IL17RC: variants seen among roughly 807,000 people sequenced by gnomAD.
The protein encoded by IL17RC is interleukin 17 receptor C, also known as interleukin-17 receptor C.
In IL17RC, 53 loss-of-function variants were observed where a neutral mutation model predicts 86.7. The observed-to-expected ratio is 0.61, with a 90% CI of 0.49 to 0.77. The LOEUF (loss-of-function observed/expected upper bound fraction) is 0.77, where lower values mean the gene tolerates loss of function less well. Ranked by LOEUF, IL17RC falls within the 30% of genes least tolerant of loss-of-function variation. IL17RC has a pLI of 0.00. For missense variants in IL17RC, 957 were observed against 940.0 expected (o/e 1.02, Z -0.24); for synonymous variants, 439 against 413.1 (o/e 1.06, Z -0.76).
At position 9,923,958 on chromosome 3, in the gene IL17RC, G is replaced by C; in HGVS notation, c.700G>C (p.Gly234Arg). 1 of 1,614,090 alleles carries C rather than the reference G, an allele frequency of 6.2e-7. No homozygotes were observed. The highest frequency in any genetic ancestry group is 8.5e-7 in the Non-Finnish European group (1 of 1,180,020). The stretch of plus-strand genomic sequence containing the variant: ...GAATGTCTCTGAGGAGCAGCACTTC[G>C]GCCTCTCCCTGTACTGGAATCAGGT... ...VLNVSEEQHF[G>R]LSLYWNQVQG... The change falls in exon 8 of 19, where the codon GGC becomes CGC. Residue 234 changes from glycine (G) to arginine (R), a missense_variant. Gly to Arg is a moderately radical substitution (Grantham distance 125, BLOSUM62 -2). Coordinates refer to ENST00000403601, the MANE Select transcript of IL17RC (RefSeq NM_153460.4).
chr3:9,920,603 G>A lies in IL17RC; in HGVS notation c.577+1G>A. 1 of 1,589,982 alleles carries A rather than the reference G, an allele frequency of 6.3e-7. No homozygotes were observed. Among genetic ancestry groups the A allele is most frequent in the Non-Finnish European group, 8.6e-7 (1 of 1,163,600 alleles). Reference sequence around the variant, plus strand: ...CTCAACCACACACAGCAGCTGCCTGGTAAGTGGACCCCCAAGTCCTGGCCC... The same window carrying A: ...CTCAACCACACACAGCAGCTGCCTGATAAGTGGACCCCCAAGTCCTGGCCC... On this transcript the variant is annotated splice_donor_variant, in intron 6 of 18. Transcript: ENST00000403601. LOFTEE classifies it high-confidence loss of function.
At position 9,930,098 on chromosome 3, in the gene IL17RC, C is replaced by A. The variant is rs200678722; in HGVS notation, c.1227C>A (p.Leu409=). ...GAGGCCCCCAGGACAACAGATCCCT[C>A]TGTGCCTTGGAACCCAGTGGCTGTA... ...ETRGPQDNRS[L]CALEPSGCTS... The change falls in exon 14 of 19, where the codon CTC becomes CTA. Residue 409 remains leucine, a synonymous_variant. Transcript: ENST00000403601. This position sits in a 1 kb window ranked among gnomAD's most constrained non-coding sequence, Gnocchi z 5.8. 6.2e-7 allele frequency: 1 copy of A among 1,614,166 alleles called. No individual in the cohort carries two copies. Among genetic ancestry groups the A allele is most frequent in the East Asian group, 2.2e-5 (1 of 44,892 alleles).
rs543014876 is a variant in IL17RC at position 9,930,245 on chromosome 3, G to A, written c.1278+96G>A. 6.4e-7 allele frequency: 1 copy of A among 1,564,750 alleles called. No individual in the cohort carries two copies. Among genetic ancestry groups the A allele is most frequent in the East Asian group, 2.3e-5 (1 of 44,402 alleles). ...CCATCCACCCTGTGCCGGTCTCTGG[G>A]AACATGGGGGGTGACTCAGACCAGG... On this transcript the variant is annotated intron_variant, in intron 14 of 18. Transcript: ENST00000403601. The surrounding 1 kb of genome is among the most constrained non-coding windows in gnomAD (Gnocchi z 5.8).
chr3:9,926,658 C>T (rs2084110260), intron 9 of IL17RC, among the ~76,000 whole-genome samples: 2 of 151,068 alleles, frequency 1.3e-5, no homozygotes, highest in South Asian at 4.2e-4. Context: ...GAGTCTCGCT[C>T]TATTGGCAGG....
At chr3:9,921,385 G>A (rs2083533414) in intron 7 of IL17RC, among the ~76,000 whole-genome samples, 1 of 152,036 alleles carries the variant, frequency 6.6e-6, no homozygotes. Flanking sequence ...AGCCTGGGAG[G>A]CAGGGGCTAC....
chr3:9,923,781 C>T, intron 7 of IL17RC, 100 bp from the exon 8 acceptor site: 1 of 1,332,698 alleles, frequency 7.5e-7, no homozygotes, highest in Non-Finnish European at 1.0e-6. Context: ...CTCCGAGAGC[C>T]TCCCAGTCTA....
chr3:9,923,962 T>C lies in IL17RC; in HGVS notation c.704T>C (p.Leu235Pro). ...LNVSEEQHFGLSLYWNQVQGP... is the reference protein window; with the variant it reads ...LNVSEEQHFGPSLYWNQVQGP... Reference sequence around the variant, plus strand: ...GTCTCTGAGGAGCAGCACTTCGGCCTCTCCCTGTACTGGAATCAGGTCCAG... The same window carrying C: ...GTCTCTGAGGAGCAGCACTTCGGCCCCTCCCTGTACTGGAATCAGGTCCAG... Residue 235 changes from leucine (L) to proline (P), a missense_variant, in exon 8 of 19, where the codon CTC (leucine) becomes CCC (proline). Leu to Pro is a moderately conservative substitution (Grantham distance 98). Transcript: ENST00000403601. 1 of 1,614,176 alleles carries C rather than the reference T, an allele frequency of 6.2e-7. No homozygotes were observed. Among genetic ancestry groups the C allele is most frequent in the Non-Finnish European group, 8.5e-7 (1 of 1,180,032 alleles).
Position 9,920,977 on chromosome 3 carries a change from C to A in IL17RC, c.622+8C>A. The A allele has an allele frequency of 1.9e-6, 3 of 1,563,546 alleles. No individual in the cohort carries two copies. Among genetic ancestry groups the A allele is most frequent in the African/African-American group, 1.4e-5 (1 of 72,932 alleles). ...GCATCCCGAGCTGCTGGGGTAGGGGCTAGGGCCAGTGGGCCGGGGGTAGGG... is the reference window on the plus strand; with the variant it reads ...GCATCCCGAGCTGCTGGGGTAGGGGATAGGGCCAGTGGGCCGGGGGTAGGG... On this transcript the variant is annotated splice_region_variant and intron_variant, in intron 7 of 18. Coordinates refer to ENST00000403601, the MANE Select transcript of IL17RC (RefSeq NM_153460.4).
intron 16 of IL17RC, 71 bp downstream of exon 16, chr3:9,931,014 C>A: frequency 8.4e-7 from 1 of 1,195,924 alleles, no homozygotes; most frequent in Non-Finnish European, 1.3e-6. Flanking sequence ...CACTCTTGGG[C>A]ACAGCACATG....
Position 9,932,821 on chromosome 3 carries a change from G to A in IL17RC, c.1485G>A (p.Gly495=), listed in dbSNP as rs544699270. The change falls in exon 18 of 19, where the codon GGG becomes GGA. Residue 495 remains glycine (G), a splice_region_variant and synonymous_variant. Coordinates refer to ENST00000403601, the MANE Select transcript of IL17RC (RefSeq NM_153460.4). The stretch of plus-strand genomic sequence containing the variant: ...GCCTCCGCCCCTCTCCCCTAACAGG[G>A]TGGCTGAGGCTCTTGAAACAGGACG... ...ILLLKKDHAK[G]WLRLLKQDVR... 2 of 1,565,420 alleles carry A rather than the reference G, an allele frequency of 1.3e-6. No individual in the cohort carries two copies. Among genetic ancestry groups the A allele is most frequent in the South Asian group, 2.4e-5 (2 of 82,506 alleles).
chr3:9,920,631 T>A (rs2083461675), intron 6 of IL17RC, 29 bp downstream of exon 6: 1 of 1,446,424 alleles, frequency 6.9e-7, no homozygotes, highest in African/African-American at 1.4e-5. Context: ...CCTGGCCCCC[T>A]AGCCTCTGTC....
At chr3:9,927,214 C>T (rs1352057643) in intron 9 of IL17RC, among the ~76,000 whole-genome samples, 1 of 145,912 alleles carries the variant, frequency 6.9e-6, no homozygotes, top group East Asian at 2.0e-4. Context: ...GAACTTAGCA[C>T]ATTCCCCAAC....
At chr3:9,926,284 G>A (rs139254133) in intron 9 of IL17RC, among the ~76,000 whole-genome samples, 1,908 of 152,010 alleles carry the variant, frequency 0.013, 39 homozygotes, top group African/African-American at 0.044. Context: ...CACCCGCCTC[G>A]GCCGCCCAAA....
At chr3:9,920,308 G>A (rs2083435218) in intron 5 of IL17RC, 183 bp from the exon 6 acceptor site, 2 of 572,828 alleles carry the variant, frequency 3.5e-6, no homozygotes, top group East Asian at 5.7e-5. Context: ...GAGGACATTT[G>A]CTTTAGAATT....
Position 9,933,574 on chromosome 3 carries a change from G to A in IL17RC, c.2144G>A (p.Gly715Glu), listed in dbSNP as rs752392891. Reference sequence around the variant, plus strand: ...GGGGTGGGACCAGGCGCGGGACCTGGGGCGGGGGACGGGACTTAAATAAAG... The same window carrying A: ...GGGGTGGGACCAGGCGCGGGACCTGAGGCGGGGGACGGGACTTAAATAAAG... ...GRGVGPGAGP[G>E]AGDGT The change falls in exon 19 of 19, where the codon GGG becomes GAG. Residue 715 changes from glycine (G) to glutamate (E), a missense_variant. By Grantham distance (98) the Gly-to-Glu change is moderately conservative. Coordinates refer to ENST00000403601, the MANE Select transcript of IL17RC (RefSeq NM_153460.4). The A allele has an allele frequency of 6.0e-5, 96 of 1,601,024 alleles. No homozygotes were observed. Among genetic ancestry groups the A allele is most frequent in the Non-Finnish European group, 8.0e-5 (94 of 1,174,850 alleles).
chr3:9,930,253 G>T lies in IL17RC; in HGVS notation c.1278+104G>T. The T allele has an allele frequency of 6.4e-7, 1 of 1,552,720 alleles. No homozygotes were observed. The highest frequency in any genetic ancestry group is 8.8e-7 in the Non-Finnish European group (1 of 1,133,158). ...CCTGTGCCGGTCTCTGGGAACATGG[G>T]GGGTGACTCAGACCAGGGCCATATT... On this transcript the variant is annotated intron_variant, in intron 14 of 18. Transcript: ENST00000403601. The surrounding 1 kb of genome is among the most constrained non-coding windows in gnomAD (Gnocchi z 5.8).
chr3:9,920,370 A>ATACAG, intron 5 of IL17RC, 121 bp from the exon 6 acceptor site: 1 of 662,818 alleles, frequency 1.5e-6, no homozygotes, highest in Non-Finnish European at 2.8e-6. Context: ...TACAGTATAA[A>ATACAG]TACAGTCATT....
intron 6 of IL17RC, 69 bp from the exon 7 acceptor site, chr3:9,920,856 G>A: frequency 7.0e-7 from 1 of 1,429,930 alleles, no homozygotes; most frequent in East Asian, 2.3e-5. Flanking sequence ...CCCCCTGGGA[G>A]CCAAATTGCC....
chr3:9,917,881 G>A (rs1335062196), intron 2 of IL17RC, 42 bp from the exon 3 acceptor site: 1 of 1,612,428 alleles, frequency 6.2e-7, no homozygotes. Flanking sequence ...CAAATTCTGG[G>A]CTTGGAACAG....
Sources: allele counts gnomAD v4.1 joint callset (sites outside exome capture counted in the v4.1 genomes callset), GRCh38; gene constraint gnomAD v4.1.1; non-coding constraint Gnocchi (gnomAD v3.1); transcripts MANE v1.5; gene names NCBI Gene and HGNC (gene_info 2026-07-23, HGNC 2026-07-21).